PLCB3: variants seen among roughly 807,000 people sequenced by gnomAD.
PLCB3 encodes 1-phosphatidylinositol 4,5-bisphosphate phosphodiesterase beta-3.
A neutral mutation model predicts 152.1 loss-of-function variants in PLCB3; 54 were observed. That is an observed-to-expected ratio of 0.36 (90% CI 0.29 to 0.45). The LOEUF (loss-of-function observed/expected upper bound fraction) is 0.45. Ranked by LOEUF, PLCB3 falls within the 20% of genes least tolerant of loss-of-function variation. PLCB3 has a pLI of 1.00. For synonymous variants in PLCB3, 717 were observed against 698.7 expected, an observed-to-expected ratio of 1.03 and a Z score of -0.41; for missense variants, 1,248 against 1,687.5, an observed-to-expected ratio of 0.74 and a Z score of 4.56.
chr11:64,261,790 C>A, intron 16 of PLCB3, 125 bp downstream of exon 16: 1 of 1,421,714 alleles, frequency 7.0e-7, no homozygotes, highest in Non-Finnish European at 9.9e-7. Context: ...CTCCTGCACC[C>A]TGGCCTGGGG....
chr11:64,254,508 G>A lies in PLCB3; in HGVS notation c.177+16G>A. On this transcript the variant is annotated intron_variant, in intron 2 of 30. Coordinates refer to ENST00000279230, the MANE Select transcript of PLCB3 (RefSeq NM_000932.5). The stretch of plus-strand genomic sequence containing the variant: ...CCCCAACATGGTGAGGGTGGGCGCT[G>A]GTGCAGCTCGCTCAGGCCAAGGACC... The A allele has an allele frequency of 1.2e-6, 2 of 1,611,488 alleles. No homozygotes were observed. Among genetic ancestry groups the A allele is most frequent in the Non-Finnish European group, 1.7e-6 (2 of 1,178,112 alleles).
intron 1 of PLCB3, among the ~76,000 whole-genome samples, chr11:64,252,535 C>T (rs2031270844): frequency 6.6e-6 from 1 of 152,238 alleles, no homozygotes; most frequent in African/African-American, 2.4e-5. Context: ...CCCGGCCGGC[C>T]TGAGCTTCCT....
At chr11:64,268,264 C>T (rs1022262513), downstream of PLCB3, among the ~76,000 whole-genome samples, 1 of 152,224 alleles carries the variant, frequency 6.6e-6, no homozygotes, top group African/African-American at 2.4e-5. Flanking sequence ...GTATCTTCCG[C>T]TGGGGCTGCT....
chr11:64,261,594 C>T lies in PLCB3; in HGVS notation c.1842C>T (p.Cys614=). 1 of 1,614,178 alleles carries T rather than the reference C, an allele frequency of 6.2e-7. No homozygotes were observed. The highest frequency in any genetic ancestry group is 8.5e-7 in the Non-Finnish European group (1 of 1,179,988). The part of the protein sequence containing the change: ...SFEAARKRNK[C]FEMSSFVETK... ...CTCACCCCTAAGAGAGGAACAAATG[C>T]TTCGAGATGTCGTCCTTTGTGGAGA... is the stretch of plus-strand genomic sequence containing the variant. The change falls in exon 16 of 31, where the codon TGC becomes TGT. Residue 614 remains cysteine (C), a synonymous_variant. Transcript: ENST00000279230.
At position 64,265,870 on chromosome 11, in the gene PLCB3, G is replaced by A. The variant is rs750634729; in HGVS notation, c.3036-16G>A. On this transcript the variant is annotated splice_polypyrimidine_tract_variant and intron_variant, in intron 25 of 30. Transcript: ENST00000279230. Reference sequence around the variant, plus strand: ...GTGACGGGCCCAGGCATCACCCAGAGGGGTTCTCCTCGCAGAGGTGGGGCC... The same window carrying A: ...GTGACGGGCCCAGGCATCACCCAGAAGGGTTCTCCTCGCAGAGGTGGGGCC... 7 of 1,611,080 alleles carry A rather than the reference G, an allele frequency of 4.3e-6. No individual in the cohort carries two copies. Among genetic ancestry groups the A allele is most frequent in the East Asian group, 2.2e-5 (1 of 44,840 alleles).
chr11:64,266,786 G>A lies in PLCB3; in HGVS notation c.3414+234G>A, dbSNP rs2032144374. On this transcript the variant is annotated intron_variant, in intron 29 of 30. Transcript: ENST00000279230. This position sits in a 1 kb window ranked among gnomAD's most constrained non-coding sequence, Gnocchi z 4.9. ...CTCACAACCCTGATACATTGCCCTG[G>A]GAGCCTTCGCCCACCTGACTTCTTT... Among the ~76,000 whole-genome samples the A allele has an allele frequency of 6.6e-6, 1 of 152,030 alleles. No individual in the cohort carries two copies. Among genetic ancestry groups the A allele is most frequent in the Non-Finnish European group, 1.5e-5 (1 of 68,000 alleles).
chr11:64,268,148 G>A (rs948296307), downstream of PLCB3, among the ~76,000 whole-genome samples: 3 of 152,054 alleles, frequency 2.0e-5, no homozygotes, highest in African/African-American at 4.8e-5. Context: ...CATGACTTTC[G>A]TCTCTCCGAG....
Position 64,256,765 on chromosome 11 carries a change from G to A in PLCB3, c.1012+1G>A. 1 of 1,613,786 alleles carries A rather than the reference G, an allele frequency of 6.2e-7. No individual in the cohort carries two copies. Among genetic ancestry groups the A allele is most frequent in the Non-Finnish European group, 8.5e-7 (1 of 1,179,788 alleles). On this transcript the variant is annotated splice_donor_variant, in intron 10 of 30. Transcript: ENST00000279230. LOFTEE classifies it high-confidence loss of function. ...TCCTCGCATAACACCTATCTCACTG[G>A]TGAGTGGGGAGCAAGGGTGGCACCC...
chr11:64,258,846 TGG>T lies in PLCB3; in HGVS notation c.1254-35_1254-34del. 6.2e-7 allele frequency: 1 copy of T among 1,611,284 alleles called. No homozygotes were observed. The highest frequency in any genetic ancestry group is 8.5e-7 in the Non-Finnish European group (1 of 1,177,548). On this transcript the variant is annotated intron_variant, in intron 11 of 30. Transcript: ENST00000279230. This position sits in a 1 kb window ranked among gnomAD's most constrained non-coding sequence, Gnocchi z 7.2. ...GTCCCGTAGACCTCAGCTTCCTCTC[TGG>T]GGGAGGGATCTCTGACCTCTGACCT...
chr11:64,256,997 C>CTTCTTT (rs2031567376), intron 10 of PLCB3, among the ~76,000 whole-genome samples: 1 of 61,560 alleles, frequency 1.6e-5, no homozygotes. Context: ...CTTCAGGGTC[C>CTTCTTT]TTTTTTTTTT....
downstream of PLCB3, among the ~76,000 whole-genome samples, chr11:64,269,422 G>A (rs531577383): frequency 2.0e-5 from 3 of 152,328 alleles, no homozygotes; most frequent in East Asian, 5.8e-4. Flanking sequence ...CCGGGTCCCC[G>A]CATGAAGCCT....
In PLCB3 at chr11:64,257,924, C is replaced by T. The variant is rs559567836; in HGVS notation, c.1013-549C>T. Among the ~76,000 whole-genome samples, 7 of 152,168 alleles carry T rather than the reference C, an allele frequency of 4.6e-5. No homozygotes were observed. The South Asian group carries it at 1.0e-3, about 23-fold the overall frequency. Reference sequence around the variant, plus strand: ...ATCCCAGAACTTTGAAAGGCTGAGGCGTGTGGATCACCTGAGGTCAGGAGT... The same window carrying T: ...ATCCCAGAACTTTGAAAGGCTGAGGTGTGTGGATCACCTGAGGTCAGGAGT... On this transcript the variant is annotated intron_variant, in intron 10 of 30. Transcript: ENST00000279230.
rs752898556 is a variant in PLCB3, at chr11:64,264,946, T to G, written c.2653-5T>G. 6.2e-7 allele frequency: 1 copy of G among 1,612,988 alleles called. No individual in the cohort carries two copies. The highest frequency in any genetic ancestry group is 1.1e-5 in the South Asian group (1 of 91,072). ...TGAAAAGAGCATTCTCCTTTCTCCCTATAGGCTCAGGCTGGCCAAGAGACG... is the reference window on the plus strand; with the variant it reads ...TGAAAAGAGCATTCTCCTTTCTCCCGATAGGCTCAGGCTGGCCAAGAGACG... On this transcript the variant is annotated splice_polypyrimidine_tract_variant and splice_region_variant and intron_variant, in intron 22 of 30. Coordinates refer to ENST00000279230, the MANE Select transcript of PLCB3 (RefSeq NM_000932.5).
intron 1 of PLCB3, among the ~76,000 whole-genome samples, chr11:64,252,677 G>C (rs905844461): frequency 2.0e-5 from 3 of 152,316 alleles, no homozygotes; most frequent in Middle Eastern, 6.8e-3. Flanking sequence ...AGGTGTGCGA[G>C]GTGGGGTGCC....
In PLCB3 at chr11:64,255,051, C is replaced by T; in HGVS notation, c.387+13C>T. 1 of 1,569,912 alleles carries T rather than the reference C, an allele frequency of 6.4e-7. No homozygotes were observed. The highest frequency in any genetic ancestry group is 8.7e-7 in the Non-Finnish European group (1 of 1,155,030). On this transcript the variant is annotated intron_variant, in intron 4 of 30. Transcript: ENST00000279230. This position sits in a 1 kb window ranked among gnomAD's most constrained non-coding sequence, Gnocchi z 6.8. ...TGACACAGCCAAGGTGGGCTGGCAC[C>T]AAGGGGACGAAGGGGGAGTCACTGT...
Position 64,255,256 on chromosome 11 carries a change from A to G in PLCB3, c.410A>G (p.Lys137Arg). The G allele has an allele frequency of 6.2e-7, 1 of 1,613,684 alleles. No individual in the cohort carries two copies. The highest frequency in any genetic ancestry group is 8.5e-7 in the Non-Finnish European group (1 of 1,179,884). Reference sequence around the variant, plus strand: ...CAGGTCTGGTCTGAGGAGCTATTCAAGCTGGCTATGAACATCCTGGCTCAG... The same window carrying G: ...CAGGTCTGGTCTGAGGAGCTATTCAGGCTGGCTATGAACATCCTGGCTCAG... Reference protein sequence around the residue: ...TAKVWSEELFKLAMNILAQNA... With the variant: ...TAKVWSEELFRLAMNILAQNA... The change falls in exon 5 of 31, where the codon AAG (lysine) becomes AGG (arginine). Residue 137 changes from lysine (K) to arginine (R), a missense_variant. Lys to Arg is a conservative substitution (Grantham distance 26). Coordinates refer to ENST00000279230, the MANE Select transcript of PLCB3 (RefSeq NM_000932.5). This position sits in a 1 kb window ranked among gnomAD's most constrained non-coding sequence, Gnocchi z 6.8.
Position 64,265,371 on chromosome 11 carries a change from C to A in PLCB3, c.2904C>A (p.Ser968Arg), listed in dbSNP as rs771325943. 6.2e-7 allele frequency: 1 copy of A among 1,611,960 alleles called. No homozygotes were observed. Among genetic ancestry groups the A allele is most frequent in the Non-Finnish European group, 8.5e-7 (1 of 1,179,470 alleles). ...ACAAGGCTCTGGTCAAGCTCCGGAG[C>A]CGGCAAGAGCGAGACCTGCGGGAGC... Reference protein sequence around the residue: ...RGHKALVKLRSRQERDLRELR... With the variant: ...RGHKALVKLRRRQERDLRELR... Residue 968 changes from serine (S) to arginine (R), a missense_variant, in exon 25 of 31, where the codon AGC becomes AGA. Transcript: ENST00000279230.
In PLCB3 at chr11:64,267,188, G is replaced by C. The variant is rs775703680; in HGVS notation, c.3418G>C (p.Glu1140Gln). The C allele has an allele frequency of 1.9e-4, 298 of 1,549,964 alleles. 2 individuals carry two copies. In the Middle Eastern group the frequency reaches 2.0e-3, roughly 10 times the overall value. The change falls in exon 30 of 31, where the codon GAG becomes CAG. Residue 1140 changes from glutamate (E) to glutamine (Q), a missense_variant. Glu to Gln is a conservative substitution (Grantham distance 29, BLOSUM62 2). Transcript: ENST00000279230. This position sits in a 1 kb window ranked among gnomAD's most constrained non-coding sequence, Gnocchi z 5.2. ...GAGCCCTTGCCCACCCCTGTAGCTG[G>C]AGGAGGCCCAGAAGCAGCGGCATGA... ...TESVNSIRRL[E>Q]EAQKQRHDRL...
intron 22 of PLCB3, among the ~76,000 whole-genome samples, chr11:64,264,402 G>A (rs561085944): frequency 6.6e-6 from 1 of 152,288 alleles, no homozygotes; most frequent in East Asian, 1.9e-4. Flanking sequence ...GTGGTGTCCT[G>A]GGAGTCATGA....
Sources: gnomAD v4.1 joint callset for allele counts (sites outside exome capture counted in the v4.1 genomes callset) on GRCh38, gnomAD v4.1.1 for gene constraint, Gnocchi (gnomAD v3.1) non-coding constraint, MANE v1.5 for transcripts, NCBI Gene and HGNC (gene_info 2026-07-23, HGNC 2026-07-21) for gene names.